Variants in SMUG1 observed in about 807,000 individuals in gnomAD.
SMUG1 encodes the protein single-strand selective monofunctional uracil DNA glycosylase.
Under a neutral mutation model 23.9 loss-of-function variants are expected in SMUG1, and 13 were observed. The ratio of observed to expected loss-of-function variants is 0.54; its 90% CI spans 0.35 to 0.86. The LOEUF is 0.86. Ranked by LOEUF, SMUG1 falls within the 40% of genes least tolerant of loss-of-function variation. The probability of loss-of-function intolerance (pLI) is 0.01; values close to 1 mark genes in which losing one functional copy is unlikely to be tolerated. For synonymous variants in SMUG1, 133 were observed against 139.8 expected (o/e 0.95, Z 0.34); for missense variants, 313 against 339.5 (o/e 0.92, Z 0.61).
intron 3 of SMUG1, 200 bp from the exon 4 acceptor site, chr12:54,182,823 C>T (rs1455588743): frequency 2.0e-5 from 22 of 1,092,118 alleles, no homozygotes; most frequent in Non-Finnish European, 2.5e-5. Flanking sequence ...CATTGTGAAC[C>T]GTGGTCCAGA....
intron 3 of SMUG1, among the ~76,000 whole-genome samples, chr12:54,169,599 G>A (rs1425169729): frequency 6.6e-6 from 1 of 151,550 alleles, no homozygotes; most frequent in East Asian, 1.9e-4. Context: ...GGAAAGAGGA[G>A]AGTCCATGTT....
Position 54,181,625 on chromosome 12 carries a change from T to C in SMUG1, c.*471A>G, listed in dbSNP as rs3136394. The C allele has an allele frequency of 3.2e-6, 5 of 1,587,162 alleles. No individual in the cohort carries two copies. Among genetic ancestry groups the C allele is most frequent in the East Asian group, 4.5e-5 (2 of 44,726 alleles). On this transcript the variant is annotated 3_prime_UTR_variant, in exon 4 of 4. Transcript: ENST00000682136. ...CATAAGAAGTTCACTCTTAATTTCATGTCCCATGCTTTGTCTTGGTCCCTG... is the reference window on the plus strand; with the variant it reads ...CATAAGAAGTTCACTCTTAATTTCACGTCCCATGCTTTGTCTTGGTCCCTG...
At chr12:54,170,152 C>T (rs987554047) in intron 3 of SMUG1, among the ~76,000 whole-genome samples, 8 of 150,878 alleles carry the variant, frequency 5.3e-5, no homozygotes, top group East Asian at 1.9e-4. Context: ...CCGGCGAGAT[C>T]GCGCCATTGC....
In SMUG1 at chr12:54,185,472, AAAAATAAAATAAAAAATAAATAAAT is replaced by A. The variant is rs1229423047; in HGVS notation, c.-19-1538_-19-1514del. 1.3e-3 allele frequency among the ~76,000 whole-genome samples: 125 copies of A among 92,922 alleles called. 9 individuals are homozygous for A. In the East Asian group the frequency reaches 0.024, roughly 18 times the overall value. 61.0% of individuals were successfully genotyped at this position (92,922 alleles called of 152,430 possible). A position where few individuals can be genotyped will look rare whatever the true frequency, so the allele number is the denominator to read the frequency against. ...AAAAGAGCAAGACTCCATCTCAAAA[AAAAATAAAATAAAAAATAAATAAAT>A]AAATAAATAAATAAATAAATAAATA... On this transcript the variant is annotated intron_variant, in intron 2 of 3. Coordinates refer to ENST00000682136, the MANE Select transcript of SMUG1 (RefSeq NM_001243787.2).
rs1483885300 is a variant in SMUG1, at chr12:54,185,498, AAAT to A, written c.-19-1542_-19-1540del. 6.0e-4 allele frequency among the ~76,000 whole-genome samples: 52 copies of A among 86,188 alleles called. 9 individuals are homozygous for A. The highest frequency in any genetic ancestry group is 9.0e-4 in the Non-Finnish European group (35 of 38,932). 56.5% of individuals were successfully genotyped at this position (86,188 alleles called of 152,430 possible). A position where few individuals can be genotyped will look rare whatever the true frequency, so the allele number is the denominator to read the frequency against. The stretch of plus-strand genomic sequence containing the variant: ...AAAATAAAATAAAAAATAAATAAAT[AAAT>A]AAATAAATAAATAAATAAATAAATA... On this transcript the variant is annotated intron_variant, in intron 2 of 3. Coordinates refer to ENST00000682136, the MANE Select transcript of SMUG1 (RefSeq NM_001243787.2).
At chr12:54,166,396 G>C (rs1451047456) in intron 3 of SMUG1, among the ~76,000 whole-genome samples, 1 of 152,100 alleles carries the variant, frequency 6.6e-6, no homozygotes, top group Non-Finnish European at 1.5e-5. Context: ...AGAGGCCATA[G>C]GACACAGGAA....
At chr12:54,184,152 C>A in intron 2 of SMUG1, 193 bp from the exon 3 acceptor site, 1 of 466,352 alleles carries the variant, frequency 2.1e-6, no homozygotes, top group South Asian at 4.8e-5. Context: ...TTTCCCTCCC[C>A]ACTTCCATTA....
Position 54,182,272 on chromosome 12 carries a change from C to T in SMUG1, c.637G>A (p.Val213Ile). 2 of 1,612,058 alleles carry T rather than the reference C, an allele frequency of 1.2e-6. No homozygotes were observed. Among genetic ancestry groups the T allele is most frequent in the Non-Finnish European group, 1.7e-6 (2 of 1,178,750 alleles). Residue 213 changes from valine to isoleucine, a missense_variant, in exon 4 of 4, where the codon GTT (valine) becomes ATT (isoleucine). Coordinates refer to ENST00000682136, the MANE Select transcript of SMUG1 (RefSeq NM_001243787.2). ...GCCCGCTGCTCTGCCAGTCGCCCAA[C>T]TCCCACCACCAGCCGCACCCCCAGC... ...QLLGVRLVVGVGRLAEQRARR... is the reference protein window; with the variant it reads ...QLLGVRLVVGIGRLAEQRARR...
downstream of SMUG1, among the ~76,000 whole-genome samples, chr12:54,179,645 C>A (rs1940840195): frequency 6.6e-6 from 1 of 152,114 alleles, no homozygotes; most frequent in African/African-American, 2.4e-5. Flanking sequence ...AGGGCATACT[C>A]CCCACCAAGA....
chr12:54,161,579 C>G (rs1253419401), downstream of SMUG1, among the ~76,000 whole-genome samples: 1 of 152,242 alleles, frequency 6.6e-6, no homozygotes, highest in Non-Finnish European at 1.5e-5. This position sits in a 1 kb window ranked among gnomAD's most constrained non-coding sequence, Gnocchi z 4.2. Flanking sequence ...CTTCTCTCTC[C>G]ACTTCTCCCA....
At chr12:54,161,048 A>G (rs917586185), downstream of SMUG1, among the ~76,000 whole-genome samples, 1 of 152,114 alleles carries the variant, frequency 6.6e-6, no homozygotes, top group African/African-American at 2.4e-5. This position sits in a 1 kb window ranked among gnomAD's most constrained non-coding sequence, Gnocchi z 4.2. Flanking sequence ...ACCCACGATG[A>G]AAGAGTCCCA....
chr12:54,172,179 GGAGTGT>G (rs1238684767), intron 2 of SMUG1: 46 of 431,212 alleles, frequency 1.1e-4, no homozygotes, highest in South Asian at 6.6e-4. Context: ...CATGTTACTC[GGAGTGT>G]GAGTTTTACT....
rs1278592309 is a variant in SMUG1, at chr12:54,183,898, C to T, written c.43G>A (p.Gly15Ser). 1 of 1,604,728 alleles carries T rather than the reference C, an allele frequency of 6.2e-7. No homozygotes were observed. ...FLLGSIHEPA[G>S]ALMEPQPCPG... is the part of the protein sequence containing the mutation. ...CAGGGCTGGGGCTCCATGAGGGCAC[C>T]TGCAGGCTCATGGATGGACCCCAGC... The change falls in exon 3 of 4, where the codon GGT becomes AGT. Residue 15 changes from glycine (G) to serine (S), a missense_variant. By Grantham distance (56) the Gly-to-Ser change is moderately conservative (BLOSUM62 0). Transcript: ENST00000682136.
Position 54,183,677 on chromosome 12 carries a change from A to G in SMUG1, c.264T>C (p.Pro88=), listed in dbSNP as rs975863181. Residue 88 remains proline (P), a synonymous_variant, in exon 3 of 4, where the codon CCT becomes CCC. Coordinates refer to ENST00000682136, the MANE Select transcript of SMUG1 (RefSeq NM_001243787.2). ...TTACCCCAGTCTGGGCCATGCCAAA[A>G]GGTCCAGGGTTCATGCCCAGGAAGA... ...EVLFLGMNPG[P]FGMAQTGVPF... 3.1e-6 allele frequency: 5 copies of G among 1,613,972 alleles called. No individual in the cohort carries two copies. The highest frequency in any genetic ancestry group is 3.4e-6 in the Non-Finnish European group (4 of 1,179,922).
chr12:54,166,290 G>A (rs1490544080), intron 3 of SMUG1, among the ~76,000 whole-genome samples: 1 of 152,222 alleles, frequency 6.6e-6, no homozygotes, highest in East Asian at 1.9e-4. Context: ...GAACCTGGGA[G>A]GCAGAGGTTG....
rs7977353 is a variant in SMUG1 at position 54,186,350 on chromosome 12, G to T, written c.-20+1469C>A. Among the ~76,000 whole-genome samples, 667 of 74,558 alleles carry T rather than the reference G, an allele frequency of 8.9e-3. 6 individuals are homozygous for T. The highest frequency in any genetic ancestry group is 0.012 in the African/African-American group (324 of 26,518). 48.9% of individuals were successfully genotyped at this position (74,558 alleles called of 152,430 possible). On this transcript the variant is annotated intron_variant, in intron 2 of 3. Coordinates refer to ENST00000682136, the MANE Select transcript of SMUG1 (RefSeq NM_001243787.2). ...TGTGTTTTTTGTTTTGTTTTGTTTT[G>T]TTTTTTTTTTGAGACAGAATCTTGC...
chr12:54,188,143 C>T (rs1034239120), intron 1 of SMUG1, among the ~76,000 whole-genome samples: 5 of 151,898 alleles, frequency 3.3e-5, no homozygotes, highest in Admixed American at 3.3e-4. Flanking sequence ...CGACTTCAGA[C>T]TGATGTCAGA....
At chr12:54,161,132 AC>A (rs1940246408), downstream of SMUG1, among the ~76,000 whole-genome samples, 1 of 150,314 alleles carries the variant, frequency 6.7e-6, no homozygotes, top group Admixed American at 6.6e-5. This position sits in a 1 kb window ranked among gnomAD's most constrained non-coding sequence, Gnocchi z 4.2. Flanking sequence ...CCCTTGCCCT[AC>A]CCCCAACCTC....
Position 54,181,023 on chromosome 12 carries a change from T to TC in SMUG1, c.*1072dup, listed in dbSNP as rs1940987423. 6.6e-6 allele frequency: 1 copy of TC among 151,578 alleles called. No homozygotes were observed. The allele number at this position is 151,578 out of a possible 1,614,324, so 9.4% of individuals were successfully genotyped here. On this transcript the variant is annotated 3_prime_UTR_variant, in exon 4 of 4. Transcript: ENST00000682136. ...AAAAAAGAGAGATCTACTACATCCT[T>TC]CCCCCAGCTGCCCAAGAGAACCCCT...
Sources: allele counts gnomAD v4.1 joint callset (sites outside exome capture counted in the v4.1 genomes callset), GRCh38; gene constraint gnomAD v4.1.1; non-coding constraint Gnocchi (gnomAD v3.1); transcripts MANE v1.5; gene names NCBI Gene and HGNC (gene_info 2026-07-23, HGNC 2026-07-21).